The following PCSK5 variants were observed in gnomAD, a reference collection of about 807,000 sequenced individuals.
PCSK5 encodes the protein prohormone convertase 5.
A neutral mutation model predicts 233.2 loss-of-function variants in PCSK5; 129 were observed. The observed-to-expected ratio is 0.55, with a 90% CI of 0.48 to 0.64. The LOEUF (loss-of-function observed/expected upper bound fraction) is 0.64. Among genes scored for constraint, PCSK5 ranks in the 30% least tolerant of loss-of-function variants. PCSK5 has a pLI of 0.00. For synonymous variants in PCSK5, 825 were observed against 879.2 expected, an observed-to-expected ratio of 0.94 and a Z score of 1.09; for missense variants, 2,076 against 2,430.1, an observed-to-expected ratio of 0.85 and a Z score of 3.06.
At chr9:76,162,237 A>G (rs1822893332) in intron 12 of PCSK5, among the ~76,000 whole-genome samples, 1 of 152,162 alleles carries the variant, frequency 6.6e-6, no homozygotes, top group African/African-American at 2.4e-5. Flanking sequence ...TGTGCTTGAC[A>G]CTGGTAGCGT....
chr9:76,350,715 C>A (rs1830098496), intron 35 of PCSK5, 113 bp from the exon 36 acceptor site: 1 of 703,538 alleles, frequency 1.4e-6, no homozygotes, highest in Non-Finnish European at 2.5e-6. Flanking sequence ...TCAATCAATT[C>A]ACCCTTCTGC....
chr9:76,064,299 A>C (rs1428931089), intron 5 of PCSK5, among the ~76,000 whole-genome samples: 6 of 72,280 alleles, frequency 8.3e-5, no homozygotes, highest in African/African-American at 1.5e-4. Context: ...ACTTCCCAGT[A>C]GGGGCGGCCG....
At chr9:76,274,384 T>G (rs1010513113) in intron 24 of PCSK5, among the ~76,000 whole-genome samples, 3 of 152,230 alleles carry the variant, frequency 2.0e-5, no homozygotes, top group African/African-American at 7.2e-5. Flanking sequence ...ACCAGCTACT[T>G]TCAAGATCTG....
At chr9:76,164,200 G>A (rs1587705815) in intron 12 of PCSK5, among the ~76,000 whole-genome samples, 1 of 152,142 alleles carries the variant, frequency 6.6e-6, no homozygotes, top group East Asian at 1.9e-4. Context: ...TCTGTGGGTT[G>A]CAGTAAAAAT....
intron 17 of PCSK5, among the ~76,000 whole-genome samples, chr9:76,186,542 C>T (rs1824110440): frequency 1.3e-5 from 2 of 152,156 alleles, no homozygotes; most frequent in Admixed American, 6.5e-5. Flanking sequence ...GTTCACAATA[C>T]CAAGTGCATT....
At chr9:75,911,201 G>GTTTTTTTTTTTTTTTTTTTTTTTTTTT (rs71370772) in intron 1 of PCSK5, among the ~76,000 whole-genome samples, 2 of 48,764 alleles carry the variant, frequency 4.1e-5, no homozygotes, top group African/African-American at 8.4e-5. Flanking sequence ...GAACATATAG[G>GTTTTTTTTTTTTTTTTTTTTTTTTTTT]TTTTTTTTTT....
At position 75,950,152 on chromosome 9, in the gene PCSK5, G is replaced by T. The variant is rs1168854636; in HGVS notation, c.297+17669G>T. The stretch of plus-strand genomic sequence containing the variant: ...ACACTTGTGTGTGTGTGTGGGGGGG[G>T]CGGGGAGGGGGGAACTGCTACAGCT... On this transcript the variant is annotated intron_variant, in intron 2 of 37. Transcript: ENST00000674117. Among the ~76,000 whole-genome samples, 71 of 83,918 alleles carry T rather than the reference G, an allele frequency of 8.5e-4. 1 individual carries two copies. In the East Asian group the frequency reaches 0.013, roughly 16 times the overall value. 55.1% of individuals were successfully genotyped at this position (83,918 alleles called of 152,430 possible). A position where few individuals can be genotyped will look rare whatever the true frequency, so the allele number is the denominator to read the frequency against.
At chr9:76,106,263 A>G (rs1039953352) in intron 8 of PCSK5, among the ~76,000 whole-genome samples, 2 of 152,198 alleles carry the variant, frequency 1.3e-5, no homozygotes, top group Admixed American at 6.5e-5. Context: ...ACAGACTTCT[A>G]TACTCCCCCA....
chr9:76,159,816 CTTTTTTTTTTT>C (rs386415165), intron 12 of PCSK5, among the ~76,000 whole-genome samples: 3 of 97,590 alleles, frequency 3.1e-5, no homozygotes, highest in African/African-American at 4.1e-5. Flanking sequence ...CTCTTCAGTC[CTTTTTTTTTTT>C]TTTTTTTTTT....
At chr9:75,993,849 G>C (rs2131409311) in intron 3 of PCSK5, among the ~76,000 whole-genome samples, 1 of 152,282 alleles carries the variant, frequency 6.6e-6, no homozygotes, top group Admixed American at 6.5e-5. Context: ...TTATCTACCA[G>C]GGAAGCTCAT....
chr9:76,225,669 A>C (rs533423581), intron 20 of PCSK5, among the ~76,000 whole-genome samples: 3 of 152,232 alleles, frequency 2.0e-5, no homozygotes, highest in African/African-American at 7.2e-5. Context: ...AGAAGGCTGC[A>C]TAACTATGAT....
At chr9:75,958,425 C>T (rs1468774375) in intron 2 of PCSK5, among the ~76,000 whole-genome samples, 1 of 152,172 alleles carries the variant, frequency 6.6e-6, no homozygotes, top group East Asian at 1.9e-4. Flanking sequence ...CAGTGATTTA[C>T]ACAACCTGAC....
Position 76,251,989 on chromosome 9 carries a change from C to T in PCSK5, c.3142+11305C>T, listed in dbSNP as rs374948175. Among the ~76,000 whole-genome samples the T allele has an allele frequency of 2.4e-4, 36 of 152,028 alleles. 1 individual carries two copies. The East Asian group carries it at 4.5e-3, about 19-fold the overall frequency. On this transcript the variant is annotated intron_variant, in intron 24 of 37. Transcript: ENST00000674117. The stretch of plus-strand genomic sequence containing the variant: ...GCAATTATAAAAAGATAAAAGAGGC[C>T]GGGCGTGGTGGCTCACACCTGTAAT...
intron 24 of PCSK5, chr9:76,286,876 C>A (rs1226206332): frequency 9.4e-6 from 2 of 212,464 alleles, no homozygotes; most frequent in South Asian, 7.5e-5. Context: ...TACACTTAGT[C>A]TGCAGCCATT....
At chr9:76,317,998 G>A (rs1015140264) in intron 30 of PCSK5, among the ~76,000 whole-genome samples, 4 of 152,098 alleles carry the variant, frequency 2.6e-5, no homozygotes, top group African/African-American at 9.7e-5. Flanking sequence ...ATATTATGGC[G>A]CTAACTCACT....
At chr9:76,179,826 CAT>C (rs1250350488) in intron 15 of PCSK5, 128 bp downstream of exon 15, 12 of 640,498 alleles carry the variant, frequency 1.9e-5, no homozygotes, top group Admixed American at 1.5e-4. Flanking sequence ...AGGACCGAAA[CAT>C]AGAAAAGAGG....
intron 20 of PCSK5, among the ~76,000 whole-genome samples, chr9:76,209,809 A>C (rs1825264207): frequency 6.6e-6 from 1 of 151,068 alleles, no homozygotes; most frequent in South Asian, 2.1e-4. Context: ...CAATTTAAAT[A>C]TATATTAAAT....
chr9:75,926,725 A>G (rs544347703), intron 1 of PCSK5, among the ~76,000 whole-genome samples: 1 of 152,314 alleles, frequency 6.6e-6, no homozygotes, highest in South Asian at 2.1e-4. Flanking sequence ...ATATTTTGAA[A>G]TGTATTCATG....
In PCSK5 at chr9:76,157,130, C is replaced by T. The variant is rs766688809; in HGVS notation, c.1398C>T (p.His466=). 17 of 1,613,202 alleles carry T rather than the reference C, an allele frequency of 1.1e-5. No homozygotes were observed. The highest frequency in any genetic ancestry group is 4.5e-5 in the East Asian group (2 of 44,872). The change falls in exon 11 of 38, where the codon CAC becomes CAT. Residue 466 remains histidine, a synonymous_variant. Coordinates refer to ENST00000674117, the MANE Select transcript of PCSK5 (RefSeq NM_001372043.1). ...AEKWTTVPRQ[H]VCVESTDRQI... ...AGTGGACCACCGTTCCCCGGCAGCACGTGTGTGTGGAGAGCACAGACCGAC... is the reference window on the plus strand; with the variant it reads ...AGTGGACCACCGTTCCCCGGCAGCATGTGTGTGTGGAGAGCACAGACCGAC...
Sources: gnomAD v4.1 joint callset for allele counts (sites outside exome capture counted in the v4.1 genomes callset) on GRCh38, gnomAD v4.1.1 for gene constraint, MANE v1.5 for transcripts, NCBI Gene and HGNC (gene_info 2026-07-23, HGNC 2026-07-21) for gene names.